Variants in KLHL29 observed in about 807,000 individuals in gnomAD.
KLHL29 encodes kelch-like protein 29.
KLHL29 carries 21 observed loss-of-function variants against 80.4 expected under a neutral mutation model. The ratio of observed to expected loss-of-function variants is 0.26; its 90% CI spans 0.19 to 0.38. The LOEUF is 0.38. KLHL29 is among the 10% of genes least tolerant of loss of function. The pLI, the probability that KLHL29 is intolerant of heterozygous loss-of-function variation, is 1.00. For missense variants in KLHL29, 867 were observed against 1,223.9 expected, an observed-to-expected ratio of 0.71 and a Z score of 4.35; for synonymous variants, 511 against 526.8, an observed-to-expected ratio of 0.97 and a Z score of 0.41.
At chr2:23,610,967 A>G (rs1042529064) in intron 3 of KLHL29, among the ~76,000 whole-genome samples, 1 of 152,206 alleles carries the variant, frequency 6.6e-6, no homozygotes, top group African/African-American at 2.4e-5. Flanking sequence ...ATTACTGCCC[A>G]CATGGAGCTT....
Position 23,642,465 on chromosome 2 carries a change from G to A in KLHL29, c.555G>A (p.Val185=). ...AVNVQAPVIG[V]TPSLPPHVGP... is the part of the protein sequence containing the mutation. Reference sequence around the variant, plus strand: ...ACGTCCAGGCCCCGGTCATTGGGGTGACCCCCTCACTGCCTCCCCACGTGG... The same window carrying A: ...ACGTCCAGGCCCCGGTCATTGGGGTAACCCCCTCACTGCCTCCCCACGTGG... Residue 185 remains valine (V), a synonymous_variant, in exon 5 of 14, where the codon GTG becomes GTA. Transcript: ENST00000486442. 6.6e-7 allele frequency: 1 copy of A among 1,511,414 alleles called. No homozygotes were observed. The highest frequency in any genetic ancestry group is 8.9e-7 in the Non-Finnish European group (1 of 1,125,076). 93.6% of individuals were successfully genotyped at this position (1,511,414 alleles called of 1,614,324 possible).
chr2:23,386,998 C>A (rs1666199299), intron 1 of KLHL29, among the ~76,000 whole-genome samples: 2 of 152,150 alleles, frequency 1.3e-5, no homozygotes, highest in South Asian at 4.1e-4. Flanking sequence ...CGTTGGCGGG[C>A]CCTCGCGCGG....
At chr2:23,626,130 C>T (rs750651816) in intron 3 of KLHL29, among the ~76,000 whole-genome samples, 4 of 152,182 alleles carry the variant, frequency 2.6e-5, no homozygotes, top group Non-Finnish European at 4.4e-5. Flanking sequence ...TGAAACTATT[C>T]CACCTCCGAT....
At chr2:23,640,358 G>A (rs1278769515) in intron 4 of KLHL29, among the ~76,000 whole-genome samples, 2 of 152,034 alleles carry the variant, frequency 1.3e-5, no homozygotes, top group Non-Finnish European at 2.9e-5. Flanking sequence ...TGTACCCTTG[G>A]GCCATTCACC....
intron 7 of KLHL29, among the ~76,000 whole-genome samples, chr2:23,692,525 C>T (rs1671682739): frequency 6.6e-6 from 1 of 152,300 alleles, no homozygotes; most frequent in South Asian, 2.1e-4. Flanking sequence ...AGAGCCCAGC[C>T]TAGAGATGGG....
intron 2 of KLHL29, among the ~76,000 whole-genome samples, chr2:23,554,226 G>T (rs1301642647): frequency 6.6e-6 from 1 of 152,246 alleles, no homozygotes; most frequent in African/African-American, 2.4e-5. Flanking sequence ...TGGTGTTCTG[G>T]CTGCTGTTTA....
chr2:23,524,161 A>T lies in KLHL29; in HGVS notation c.-45-37991A>T. 3 of 411,098 alleles carry T rather than the reference A, an allele frequency of 7.3e-6. No individual in the cohort carries two copies. In the Admixed American group the frequency reaches 8.0e-5, roughly 11 times the overall value. The allele number at this position is 411,098 out of a possible 1,614,324, so 25.5% of individuals were successfully genotyped here. On this transcript the variant is annotated intron_variant, in intron 2 of 13. Transcript: ENST00000486442. Reference sequence around the variant, plus strand: ...TCTCGGAAAAGGAAGCCGATGCTGGAGCGGGGGATGACTTGCTCAGTGCTG... The same window carrying T: ...TCTCGGAAAAGGAAGCCGATGCTGGTGCGGGGGATGACTTGCTCAGTGCTG...
At chr2:23,649,912 G>A (rs535554364) in intron 5 of KLHL29, among the ~76,000 whole-genome samples, 12 of 152,342 alleles carry the variant, frequency 7.9e-5, no homozygotes, top group Admixed American at 1.3e-4. Flanking sequence ...AGTGACACAC[G>A]GAGGCCACTC....
chr2:23,691,563 A>G, intron 6 of KLHL29, 111 bp from the exon 7 acceptor site: 3 of 815,996 alleles, frequency 3.7e-6, no homozygotes, highest in Middle Eastern at 3.3e-4. Flanking sequence ...GTGTCCTTTG[A>G]GCCCTAAAAC....
chr2:23,588,947 C>T (rs1668184935), intron 3 of KLHL29, among the ~76,000 whole-genome samples: 2 of 152,220 alleles, frequency 1.3e-5, no homozygotes, highest in South Asian at 2.1e-4. Context: ...TTTCAGACAC[C>T]GGGCCTCCCG....
At chr2:23,687,532 G>A (rs868579905) in intron 6 of KLHL29, among the ~76,000 whole-genome samples, 2 of 152,158 alleles carry the variant, frequency 1.3e-5, no homozygotes, top group African/African-American at 2.4e-5. Flanking sequence ...TCCTGGGGCC[G>A]GGGCTCACAC....
intron 1 of KLHL29, among the ~76,000 whole-genome samples, chr2:23,409,548 A>G (rs1273039704): frequency 6.6e-6 from 1 of 152,200 alleles, no homozygotes; most frequent in Admixed American, 6.5e-5. Flanking sequence ...CCTCGGAAGG[A>G]ATATGTTGCC....
At chr2:23,479,461 G>A (rs903102431) in intron 2 of KLHL29, among the ~76,000 whole-genome samples, 2 of 152,030 alleles carry the variant, frequency 1.3e-5, no homozygotes, top group African/African-American at 4.8e-5. Context: ...CGTGTGAGCT[G>A]CCGTCCTCCA....
At chr2:23,393,542 C>T (rs981492476) in intron 1 of KLHL29, among the ~76,000 whole-genome samples, 1 of 152,084 alleles carries the variant, frequency 6.6e-6, no homozygotes, top group Admixed American at 6.5e-5. Flanking sequence ...ACAAAAGCAT[C>T]GTTTTAAGGA....
chr2:23,674,035 G>A (rs1353478570), intron 5 of KLHL29, among the ~76,000 whole-genome samples: 1 of 152,160 alleles, frequency 6.6e-6, no homozygotes, highest in Non-Finnish European at 1.5e-5. Context: ...GGGCGCTCCT[G>A]CTCACCTTTT....
chr2:23,562,388 C>T lies in KLHL29; in HGVS notation c.192C>T (p.Pro64=). The change falls in exon 3 of 14, where the codon CCC becomes CCT. Residue 64 remains proline, a synonymous_variant. Transcript: ENST00000486442. This position sits in a 1 kb window ranked among gnomAD's most constrained non-coding sequence, Gnocchi z 4.5. The stretch of plus-strand genomic sequence containing the variant: ...TGCCCGTGGTGCCCTCCCGGCTGCC[C>T]ACCCCGGCTACAGCTCCTGCTCCCT... The part of the protein sequence containing the change: ...LPLPVVPSRL[P]TPATAPAPCT... The T allele has an allele frequency of 6.5e-7, 1 of 1,539,320 alleles. No homozygotes were observed. The highest frequency in any genetic ancestry group is 8.7e-7 in the Non-Finnish European group (1 of 1,146,056).
intron 13 of KLHL29, among the ~76,000 whole-genome samples, chr2:23,704,965 A>G (rs1040540561): frequency 3.3e-5 from 5 of 152,254 alleles, no homozygotes; most frequent in Non-Finnish European, 5.9e-5. Context: ...GACCTTGGAC[A>G]TATCCCTTCA....
intron 2 of KLHL29, among the ~76,000 whole-genome samples, chr2:23,492,945 C>T (rs1665149427): frequency 6.6e-6 from 1 of 152,160 alleles, no homozygotes; most frequent in South Asian, 2.1e-4. Context: ...TCAAGTCCTG[C>T]CTCTCTCCGT....
At chr2:23,685,177 C>T (rs903047590) in intron 6 of KLHL29, 2 of 152,480 alleles carry the variant, frequency 1.3e-5, no homozygotes, top group African/African-American at 4.8e-5. Flanking sequence ...AACCCTTGCT[C>T]CCTCCCTCCT....
Sources: allele counts gnomAD v4.1 joint callset (sites outside exome capture counted in the v4.1 genomes callset), GRCh38; gene constraint gnomAD v4.1.1; non-coding constraint Gnocchi (gnomAD v3.1); transcripts MANE v1.5; gene names NCBI Gene and HGNC (gene_info 2026-07-23, HGNC 2026-07-21).